B3GALT1: variants seen among roughly 807,000 people sequenced by gnomAD.
B3GALT1 encodes beta-1,3-galactosyltransferase 1.
A neutral mutation model predicts 23.2 loss-of-function variants in B3GALT1; 10 were observed. The observed-to-expected ratio is 0.43, with a 90% CI of 0.27 to 0.73. The LOEUF is 0.73. Ranked by LOEUF, B3GALT1 falls within the 30% of genes least tolerant of loss-of-function variation. The pLI, the probability that B3GALT1 is intolerant of heterozygous loss-of-function variation, is 0.21. For missense variants in B3GALT1, 299 were observed against 405.4 expected, an observed-to-expected ratio of 0.74 and a Z score of 2.25; for synonymous variants, 156 against 141.5, an observed-to-expected ratio of 1.10 and a Z score of -0.73.
intron 4 of B3GALT1, among the ~76,000 whole-genome samples, chr2:167,865,716 CG>C (rs1690200926): frequency 6.6e-6 from 1 of 152,098 alleles, no homozygotes; most frequent in African/African-American, 2.4e-5. Flanking sequence ...GGCGTGAACC[CG>C]GGAGGCGGAG....
rs139599448 is a variant in B3GALT1, at chr2:167,379,913, G to A, written c.-511+86579G>A. 6.9e-3 allele frequency among the ~76,000 whole-genome samples: 1,045 copies of A among 152,356 alleles called. 10 individuals carry two copies. Among genetic ancestry groups the A allele is most frequent in the Non-Finnish European group, 9.0e-3 (613 of 68,038 alleles). On this transcript the variant is annotated intron_variant, in intron 1 of 4. Transcript: ENST00000392690. ...AGAATGGGAACTCCAGATGTCTGGA[G>A]ATCTGCCTGTGCATGTAGAGGAGAG...
chr2:167,511,781 G>A (rs1700008218), intron 2 of B3GALT1, among the ~76,000 whole-genome samples: 1 of 151,908 alleles, frequency 6.6e-6, no homozygotes, highest in Non-Finnish European at 1.5e-5. Context: ...TCAGAAAAAT[G>A]TCATCTAAAT....
chr2:167,453,121 T>G (rs1348021803), intron 1 of B3GALT1, among the ~76,000 whole-genome samples: 1 of 152,216 alleles, frequency 6.6e-6, no homozygotes, highest in Non-Finnish European at 1.5e-5. Context: ...AGTTGGTGGC[T>G]TGCCCGAGAA....
At chr2:167,417,115 T>C (rs1385677039) in intron 1 of B3GALT1, among the ~76,000 whole-genome samples, 1 of 152,122 alleles carries the variant, frequency 6.6e-6, no homozygotes, top group Non-Finnish European at 1.5e-5. Context: ...TGGGATGCTA[T>C]GGTTTGAATG....
intron 3 of B3GALT1, among the ~76,000 whole-genome samples, chr2:167,686,593 A>G (rs548396200): frequency 6.6e-6 from 1 of 152,318 alleles, no homozygotes; most frequent in African/African-American, 2.4e-5. Context: ...TCAATTGAAA[A>G]GAACAACATT....
At chr2:167,377,759 C>A (rs1275679660) in intron 1 of B3GALT1, among the ~76,000 whole-genome samples, 1 of 151,980 alleles carries the variant, frequency 6.6e-6, no homozygotes, top group Non-Finnish European at 1.5e-5. Context: ...ACAGGTAAGT[C>A]TTGTTTTTTA....
In B3GALT1 at chr2:167,470,776, C is replaced by A. The variant is rs369681819; in HGVS notation, c.-510-19401C>A. ...GTTTTACTTTGAGAGATATAGCAAA[C>A]CAGTTTCTGAGAGCTGATTTCTATT... On this transcript the variant is annotated intron_variant, in intron 1 of 4. Transcript: ENST00000392690. Among the ~76,000 whole-genome samples, 39 of 152,124 alleles carry A rather than the reference C, an allele frequency of 2.6e-4. 1 individual carries two copies. In the South Asian group the frequency reaches 7.9e-3, roughly 31 times the overall value.
At position 167,825,443 on chromosome 2, in the gene B3GALT1, TGTGTGTGTGTGTGCGTGCAC is replaced by T. The variant is rs1274514659; in HGVS notation, c.-230+6664_-230+6683del. Among the ~76,000 whole-genome samples the T allele has an allele frequency of 2.7e-4, 39 of 146,926 alleles. 1 individual carries two copies. In the South Asian group the frequency reaches 7.8e-3, roughly 29 times the overall value. ...CCAATAAGATATATGCAGGGGTGTG[TGTGTGTGTGTGTGCGTGCAC>T]GTGTGTGTGTGTGTTATATATAAAT... On this transcript the variant is annotated intron_variant, in intron 4 of 4. Transcript: ENST00000392690.
chr2:167,799,947 T>C (rs1357443891), intron 3 of B3GALT1, among the ~76,000 whole-genome samples: 1 of 150,424 alleles, frequency 6.6e-6, no homozygotes, highest in African/African-American at 2.5e-5. Context: ...ATTAATGCAA[T>C]GTGTATGTAT....
rs1698803877 is a variant in B3GALT1 at position 167,437,265 on chromosome 2, G to T, written c.-510-52912G>T. Among the ~76,000 whole-genome samples, 2 of 152,198 alleles carry T rather than the reference G, an allele frequency of 1.3e-5. 1 individual carries two copies. Among genetic ancestry groups the T allele is most frequent in the South Asian group, 4.1e-4 (2 of 4,826 alleles). ...TAAGCTTAGGCCTGAAAGGTGAAAT[G>T]TTCAGTCACTGCAAGTATGTTATTC... On this transcript the variant is annotated intron_variant, in intron 1 of 4. Transcript: ENST00000392690.
At chr2:167,470,434 A>C (rs1000640844) in intron 1 of B3GALT1, among the ~76,000 whole-genome samples, 3 of 152,220 alleles carry the variant, frequency 2.0e-5, no homozygotes, top group African/African-American at 7.2e-5. Flanking sequence ...TAAATAATAC[A>C]AAACATATTG....
At chr2:167,320,651 A>G (rs1696796983) in intron 1 of B3GALT1, among the ~76,000 whole-genome samples, 1 of 152,130 alleles carries the variant, frequency 6.6e-6, no homozygotes. Context: ...TAGAAGCATA[A>G]AAACATTTTT....
intron 3 of B3GALT1, among the ~76,000 whole-genome samples, chr2:167,686,722 C>G (rs558984347): frequency 6.6e-6 from 1 of 152,290 alleles, no homozygotes; most frequent in African/African-American, 2.4e-5. Flanking sequence ...TGCACACTTA[C>G]ACGCATACAC....
At chr2:167,863,988 G>GTA (rs1228612705) in intron 4 of B3GALT1, among the ~76,000 whole-genome samples, 17 of 133,664 alleles carry the variant, frequency 1.3e-4, no homozygotes, top group African/African-American at 3.3e-4. Flanking sequence ...ATGCATGTAT[G>GTA]TATGTGTGTG....
intron 3 of B3GALT1, among the ~76,000 whole-genome samples, chr2:167,683,554 C>A (rs1445420142): frequency 6.6e-6 from 1 of 152,102 alleles, no homozygotes; most frequent in South Asian, 2.1e-4. Flanking sequence ...AACTCCATCT[C>A]TACAAAAAAT....
intron 4 of B3GALT1, among the ~76,000 whole-genome samples, chr2:167,837,995 C>A (rs2105392046): frequency 6.6e-6 from 1 of 151,800 alleles, no homozygotes; most frequent in East Asian, 1.9e-4. Flanking sequence ...AAAGACACAA[C>A]ATACCAGAAT....
chr2:167,618,566 A>G (rs1025748378), intron 2 of B3GALT1, among the ~76,000 whole-genome samples: 1 of 152,050 alleles, frequency 6.6e-6, no homozygotes, highest in Non-Finnish European at 1.5e-5. Context: ...TATCTAATCT[A>G]CAAATCTTAC....
chr2:167,576,505 GT>G (rs1166159179), intron 2 of B3GALT1, among the ~76,000 whole-genome samples: 3 of 137,776 alleles, frequency 2.2e-5, no homozygotes, highest in Non-Finnish European at 4.7e-5. Flanking sequence ...AAAGTAACTC[GT>G]TTTTTGTTTT....
rs935483139 is a variant in B3GALT1, at chr2:167,758,523, G to C, written c.-351-60149G>C. ...CTGGATCCTCACTAAGGACACATCA[G>C]CACCTCTGGGCTCCAGTCAGTGACT... On this transcript the variant is annotated intron_variant, in intron 3 of 4. Coordinates refer to ENST00000392690, the MANE Select transcript of B3GALT1 (RefSeq NM_020981.4). Among the ~76,000 whole-genome samples, 9 of 152,254 alleles carry C rather than the reference G, an allele frequency of 5.9e-5. No homozygotes were observed. In the East Asian group the frequency reaches 1.4e-3, roughly 23 times the overall value.
Sources: gnomAD v4.1 joint callset for allele counts (sites outside exome capture counted in the v4.1 genomes callset) on GRCh38, gnomAD v4.1.1 for gene constraint, MANE v1.5 for transcripts, NCBI Gene and HGNC (gene_info 2026-07-23, HGNC 2026-07-21) for gene names.